The following CDK14 variants were observed in gnomAD, a reference collection of about 807,000 sequenced individuals.
CDK14 encodes cyclin-dependent kinase 14.
CDK14 carries 34 observed loss-of-function variants against 60.7 expected under a neutral mutation model. The ratio of observed to expected loss-of-function variants is 0.56; its 90% CI spans 0.43 to 0.75. The LOEUF (loss-of-function observed/expected upper bound fraction) is 0.75, where lower values mean the gene tolerates loss of function less well. Among genes scored for constraint, CDK14 ranks in the 30% least tolerant of loss-of-function variants. The pLI, the probability that CDK14 is intolerant of heterozygous loss-of-function variation, is 0.00. For synonymous variants in CDK14, 197 were observed against 203.7 expected (o/e 0.97, Z 0.28); for missense variants, 482 against 564.1 (o/e 0.85, Z 1.47).
chr7:90,960,623 GTTTA>G (rs941043911), intron 9 of CDK14, among the ~76,000 whole-genome samples: 2 of 152,034 alleles, frequency 1.3e-5, no homozygotes, highest in Non-Finnish European at 1.5e-5. Context: ...GAAATTGCCT[GTTTA>G]TTAAGTATTG....
At chr7:90,854,518 G>T (rs191355237) in intron 5 of CDK14, among the ~76,000 whole-genome samples, 1 of 152,234 alleles carries the variant, frequency 6.6e-6, no homozygotes, top group Admixed American at 6.5e-5. Context: ...AATAGAGCAA[G>T]ACCCTGCCTC....
At chr7:90,750,172 A>C (rs189675091) in intron 4 of CDK14, among the ~76,000 whole-genome samples, 6 of 149,664 alleles carry the variant, frequency 4.0e-5, no homozygotes, top group Admixed American at 6.7e-5. Flanking sequence ...ACACACACAC[A>C]CACACACACA....
chr7:91,167,801 T>A (rs1025988779), intron 14 of CDK14, among the ~76,000 whole-genome samples: 3 of 152,162 alleles, frequency 2.0e-5, no homozygotes, highest in African/African-American at 7.2e-5. Flanking sequence ...TATTTTCATC[T>A]TAAAAAAATG....
chr7:90,622,601 G>A (rs990638351), intron 2 of CDK14, among the ~76,000 whole-genome samples: 1 of 152,198 alleles, frequency 6.6e-6, no homozygotes. Context: ...TTGCACATTA[G>A]TGCATTGGAT....
intron 2 of CDK14, among the ~76,000 whole-genome samples, chr7:90,643,386 A>T (rs1433771857): frequency 6.6e-6 from 1 of 152,152 alleles, no homozygotes; most frequent in African/African-American, 2.4e-5. Context: ...TGTTACTTTT[A>T]AGACAAATAT....
At chr7:91,087,518 C>A (rs1216918924) in intron 12 of CDK14, among the ~76,000 whole-genome samples, 1 of 152,180 alleles carries the variant, frequency 6.6e-6, no homozygotes, top group African/African-American at 2.4e-5. Context: ...CTCTGAGCCT[C>A]AGCTTTTCAA....
chr7:90,803,849 T>A (rs546589641), intron 5 of CDK14, among the ~76,000 whole-genome samples: 1 of 152,214 alleles, frequency 6.6e-6, no homozygotes, highest in Non-Finnish European at 1.5e-5. Flanking sequence ...ATCTTCATTT[T>A]ACTAATCAAG....
chr7:91,094,476 G>A (rs539467227), intron 12 of CDK14, among the ~76,000 whole-genome samples: 11 of 152,134 alleles, frequency 7.2e-5, no homozygotes, highest in African/African-American at 1.9e-4. Flanking sequence ...CACGGCACAC[G>A]TCTGTGCCTC....
At chr7:90,913,133 G>C (rs995627457) in intron 7 of CDK14, among the ~76,000 whole-genome samples, 59 of 152,136 alleles carry the variant, frequency 3.9e-4, no homozygotes, top group Non-Finnish European at 2.8e-4. Flanking sequence ...AGAAGATCAA[G>C]TATAGCTTGC....
intron 14 of CDK14, among the ~76,000 whole-genome samples, chr7:91,142,653 T>C (rs1414149370): frequency 6.6e-6 from 1 of 152,262 alleles, no homozygotes; most frequent in Non-Finnish European, 1.5e-5. Context: ...TATTATTATA[T>C]GTGTTTAGCT....
At chr7:91,060,237 T>G (rs1277531129) in intron 11 of CDK14, among the ~76,000 whole-genome samples, 1 of 152,056 alleles carries the variant, frequency 6.6e-6, no homozygotes, top group East Asian at 1.9e-4. Flanking sequence ...CCTTTTTTTT[T>G]TTTTCCATTT....
rs1209507684 is a variant in CDK14 at position 90,984,216 on chromosome 7, A to G, written c.1016A>G (p.Gln339Arg). Reference sequence around the variant, plus strand: ...GCTTTTCCAGGAATGAAAGACATTCAGGATCAACTTGAACGAATATTTCTG... The same window carrying G: ...GCTTTTCCAGGAATGAAAGACATTCGGGATCAACTTGAACGAATATTTCTG... ...VAAFPGMKDI[Q>R]DQLERIFLVL... Residue 339 changes from glutamine to arginine, a missense_variant, in exon 10 of 15, where the codon CAG becomes CGG. Physicochemically the swap from Gln to Arg is conservative, Grantham distance 43 (BLOSUM62 1). Coordinates refer to ENST00000380050, the MANE Select transcript of CDK14 (RefSeq NM_001287135.2). The G allele has an allele frequency of 6.2e-7, 1 of 1,611,906 alleles. No homozygotes were observed. Among genetic ancestry groups the G allele is most frequent in the Non-Finnish European group, 8.5e-7 (1 of 1,178,102 alleles).
At chr7:90,893,367 T>C (rs1002092082) in intron 6 of CDK14, among the ~76,000 whole-genome samples, 1 of 152,192 alleles carries the variant, frequency 6.6e-6, no homozygotes, top group African/African-American at 2.4e-5. Context: ...ATATGCGTAG[T>C]TACCAGGGGT....
chr7:90,671,684 T>C (rs557418214), intron 2 of CDK14, among the ~76,000 whole-genome samples: 1 of 152,318 alleles, frequency 6.6e-6, no homozygotes, highest in East Asian at 1.9e-4. Context: ...CCCTCCACTT[T>C]AGCTTATATA....
chr7:90,945,822 A>G (rs1794083034), intron 8 of CDK14, among the ~76,000 whole-genome samples: 1 of 152,236 alleles, frequency 6.6e-6, no homozygotes. Flanking sequence ...TATTTCACAG[A>G]CAAAGCCACT....
At chr7:90,884,111 T>G (rs1050551939) in intron 6 of CDK14, among the ~76,000 whole-genome samples, 1 of 152,086 alleles carries the variant, frequency 6.6e-6, no homozygotes, top group Admixed American at 6.6e-5. Context: ...GAGAAAGAAA[T>G]AAAGGGTATT....
At chr7:90,692,122 G>T (rs374626994) in intron 2 of CDK14, among the ~76,000 whole-genome samples, 2 of 152,132 alleles carry the variant, frequency 1.3e-5, no homozygotes, top group South Asian at 4.1e-4. Context: ...CATATGTTTT[G>T]CATCTGTAAT....
At chr7:91,060,605 A>C (rs1317644563) in intron 11 of CDK14, among the ~76,000 whole-genome samples, 3 of 152,124 alleles carry the variant, frequency 2.0e-5, no homozygotes, top group African/African-American at 7.2e-5. Flanking sequence ...GTGGTGACAA[A>C]ATCTCTCAGC....
intron 5 of CDK14, among the ~76,000 whole-genome samples, chr7:90,841,679 C>CACACACACACAT (rs1407854672): frequency 6.6e-6 from 1 of 151,538 alleles, no homozygotes; most frequent in Non-Finnish European, 1.5e-5. Flanking sequence ...CACACACACA[C>CACACACACACAT]ACACACACAC....
Sources: gnomAD v4.1 joint callset for allele counts (sites outside exome capture counted in the v4.1 genomes callset) on GRCh38, gnomAD v4.1.1 for gene constraint, MANE v1.5 for transcripts, NCBI Gene and HGNC (gene_info 2026-07-23, HGNC 2026-07-21) for gene names.